The following PTPRN2 variants were observed in gnomAD, a reference collection of about 807,000 sequenced individuals.
PTPRN2 encodes the protein protein tyrosine phosphatase receptor type N2.
A neutral mutation model predicts 118.8 loss-of-function variants in PTPRN2; 74 were observed. The observed-to-expected ratio is 0.62, with a 90% CI of 0.52 to 0.76. PTPRN2 has a LOEUF of 0.76. PTPRN2 is among the 30% of genes least tolerant of loss of function. The pLI is 0.00. For synonymous variants in PTPRN2, 641 were observed against 608.0 expected (o/e 1.05, Z -0.80); for missense variants, 1,481 against 1,394.4 (o/e 1.06, Z -0.99).
chr7:158,192,012 C>G (rs1420894301), intron 5 of PTPRN2, among the ~76,000 whole-genome samples: 1 of 152,210 alleles, frequency 6.6e-6, no homozygotes, highest in Non-Finnish European at 1.5e-5. Context: ...TGAAGAGCAG[C>G]CACCTATCTC....
At chr7:158,531,097 G>C (rs1008940549) in intron 1 of PTPRN2, among the ~76,000 whole-genome samples, 6 of 152,188 alleles carry the variant, frequency 3.9e-5, no homozygotes, top group Non-Finnish European at 5.9e-5. Flanking sequence ...AACAGACTGT[G>C]TTCAAAGCGA....
At position 158,186,335 on chromosome 7, in the gene PTPRN2, TG is replaced by T. The variant is rs142716765; in HGVS notation, c.549+5991del. ...TTCTCCTGGGGCTCACTCGTGTTGT[TG>T]GGGTGGGAGGGGGATAGTCTCCTGG... On this transcript the variant is annotated intron_variant, in intron 5 of 22. Coordinates refer to ENST00000389418, the MANE Select transcript of PTPRN2 (RefSeq NM_002847.5). 7.1e-3 allele frequency among the ~76,000 whole-genome samples: 1,074 copies of T among 151,554 alleles called. 17 individuals are homozygous for T. Among genetic ancestry groups the T allele is most frequent in the East Asian group, 0.061 (312 of 5,154 alleles).
At chr7:157,988,323 A>G (rs1274226094) in intron 11 of PTPRN2, among the ~76,000 whole-genome samples, 2 of 148,218 alleles carry the variant, frequency 1.3e-5, no homozygotes, top group Middle Eastern at 3.8e-3. Context: ...ATTTCCCCCT[A>G]AATTGCCACA....
At chr7:157,661,695 C>T (rs927041966) in intron 13 of PTPRN2, among the ~76,000 whole-genome samples, 20 of 152,164 alleles carry the variant, frequency 1.3e-4, no homozygotes, top group African/African-American at 4.8e-4. Flanking sequence ...AAGCCGGGTC[C>T]TGGGTGGAGG....
intron 2 of PTPRN2, among the ~76,000 whole-genome samples, chr7:158,436,599 G>T (rs1187479964): frequency 6.6e-6 from 1 of 151,744 alleles, no homozygotes; most frequent in Non-Finnish European, 1.5e-5. Context: ...TTTCCTAAGA[G>T]TCATCTGTTG....
intron 12 of PTPRN2, among the ~76,000 whole-genome samples, chr7:157,821,251 A>G (rs1019944860): frequency 1.3e-5 from 2 of 152,260 alleles, no homozygotes; most frequent in Non-Finnish European, 2.9e-5. Flanking sequence ...GGAGACAACA[A>G]CAAGAATTCA....
intron 10 of PTPRN2, among the ~76,000 whole-genome samples, chr7:158,105,409 ACTCCATCCCAG>A (rs937016235): frequency 7.2e-6 from 1 of 138,730 alleles, no homozygotes; most frequent in African/African-American, 2.8e-5. Context: ...GCTCCGTCAA[ACTCCATCCCAG>A]CTCCATCCCA....
intron 11 of PTPRN2, among the ~76,000 whole-genome samples, chr7:158,070,949 C>CGTGATGGTGGAGGTGCCT (rs1585330665): frequency 2.3e-4 from 12 of 51,132 alleles, no homozygotes; most frequent in Admixed American, 7.9e-4. Flanking sequence ...TGGAGGTGCC[C>CGTGATGGTGGAGGTGCCT]GTGGTGGTGG....
At chr7:158,138,740 C>T (rs920932593) in intron 6 of PTPRN2, among the ~76,000 whole-genome samples, 4 of 152,210 alleles carry the variant, frequency 2.6e-5, no homozygotes, top group African/African-American at 4.8e-5. Context: ...GGTGGAAAAC[C>T]CACAGAATGG....
intron 14 of PTPRN2, among the ~76,000 whole-genome samples, chr7:157,650,284 C>T (rs1230260433): frequency 6.6e-6 from 1 of 152,236 alleles, no homozygotes; most frequent in Non-Finnish European, 1.5e-5. Flanking sequence ...CCCATCAGGG[C>T]AGGGCACACC....
intron 12 of PTPRN2, among the ~76,000 whole-genome samples, chr7:157,738,334 G>A (rs752616563): frequency 4.6e-5 from 7 of 152,170 alleles, no homozygotes; most frequent in Non-Finnish European, 8.8e-5. Context: ...GCTGGGGAGC[G>A]GGATTGAGAG....
At chr7:157,765,198 A>C (rs1045557007) in intron 12 of PTPRN2, among the ~76,000 whole-genome samples, 1 of 146,920 alleles carries the variant, frequency 6.8e-6, no homozygotes, top group Non-Finnish European at 1.5e-5. Flanking sequence ...TCATTCCTCC[A>C]TGCATCCATC....
chr7:158,340,730 T>G (rs1315661835), intron 2 of PTPRN2, among the ~76,000 whole-genome samples: 1 of 10,512 alleles, frequency 9.5e-5, no homozygotes, highest in Non-Finnish European at 4.1e-4. Context: ...ACACTCACCA[T>G]AAGAGGTGAC....
intron 11 of PTPRN2, among the ~76,000 whole-genome samples, chr7:158,076,297 C>T (rs981972586): frequency 4.6e-5 from 7 of 152,322 alleles, no homozygotes; most frequent in East Asian, 1.9e-4. Context: ...CAGCTCCACC[C>T]GGCCTGGCCT....
At chr7:157,547,789 C>T (rs933738169) in intron 22 of PTPRN2, among the ~76,000 whole-genome samples, 1 of 152,184 alleles carries the variant, frequency 6.6e-6, no homozygotes, top group Non-Finnish European at 1.5e-5. Flanking sequence ...CCATGGGGGA[C>T]GTGGGACACG....
chr7:157,935,666 T>A (rs1298342246), intron 11 of PTPRN2, among the ~76,000 whole-genome samples: 1 of 152,274 alleles, frequency 6.6e-6, no homozygotes, highest in Non-Finnish European at 1.5e-5. Context: ...CTTAACATGT[T>A]TAGCAATTTT....
At position 158,022,493 on chromosome 7, in the gene PTPRN2, C is replaced by A. The variant is rs1276756929; in HGVS notation, c.1723+58805G>T. Among the ~76,000 whole-genome samples, 1 of 150,884 alleles carries A rather than the reference C, an allele frequency of 6.6e-6. No homozygotes were observed. The highest frequency in any genetic ancestry group is 1.5e-5 in the Non-Finnish European group (1 of 67,742). On this transcript the variant is annotated intron_variant, in intron 11 of 22. Transcript: ENST00000389418. This position sits in a 1 kb window ranked among gnomAD's most constrained non-coding sequence, Gnocchi z 4.6. ...GGGGCAGCCCGTAATGTGTTCATAG[C>A]CAAGGCCCCGGCACCCGGGCACTCT...
At chr7:158,273,016 G>A (rs930766) in intron 3 of PTPRN2, among the ~76,000 whole-genome samples, 42,652 of 152,034 alleles carry the variant, frequency 0.28, 6,400 homozygotes, top group African/African-American at 0.39. Flanking sequence ...GTGGCCATGG[G>A]CCTCCAAACA....
rs1216556675 is a variant in PTPRN2, at chr7:158,509,137, C to T, written c.113-19352G>A. Among the ~76,000 whole-genome samples, 1 of 152,058 alleles carries T rather than the reference C, an allele frequency of 6.6e-6. No individual in the cohort carries two copies. Among genetic ancestry groups the T allele is most frequent in the Non-Finnish European group, 1.5e-5 (1 of 68,004 alleles). On this transcript the variant is annotated intron_variant, in intron 1 of 22. Transcript: ENST00000389418. The surrounding 1 kb of genome is among the most constrained non-coding windows in gnomAD (Gnocchi z 4.4). ...AGAGAGAGAGCAGAAGGATGAGCTT[C>T]TGTTGAAGAGAGAGGCGCCACACAC...
Sources: gnomAD v4.1 joint callset for allele counts (sites outside exome capture counted in the v4.1 genomes callset) on GRCh38, gnomAD v4.1.1 for gene constraint, Gnocchi (gnomAD v3.1) non-coding constraint, MANE v1.5 for transcripts, NCBI Gene and HGNC (gene_info 2026-07-23, HGNC 2026-07-21) for gene names.